Variants in ITGB3BP observed in about 807,000 individuals in gnomAD.
The protein encoded by ITGB3BP is integrin subunit beta 3 binding protein, also known as centromere protein R.
Under a neutral mutation model 29.1 loss-of-function variants are expected in ITGB3BP, and 27 were observed. The observed-to-expected ratio is 0.93, with a 90% CI of 0.68 to 1.28. The LOEUF (loss-of-function observed/expected upper bound fraction) is 1.28, where lower values mean the gene tolerates loss of function less well. Among genes scored for constraint, ITGB3BP ranks in the 50% most tolerant of loss-of-function variants. The pLI is 0.00. For synonymous variants in ITGB3BP, 61 were observed against 61.4 expected, an observed-to-expected ratio of 0.99 and a Z score of 0.03; for missense variants, 192 against 200.2, an observed-to-expected ratio of 0.96 and a Z score of 0.25.
chr1:63,499,593 A>G (rs1049708740), intron 2 of ITGB3BP, among the ~76,000 whole-genome samples: 1 of 152,222 alleles, frequency 6.6e-6, no homozygotes. Context: ...TACAGATGTA[A>G]AAATCCTGGC....
intron 4 of ITGB3BP, among the ~76,000 whole-genome samples, chr1:63,469,254 T>C (rs1032006786): frequency 9.8e-5 from 15 of 152,318 alleles, no homozygotes; most frequent in South Asian, 8.3e-4. Flanking sequence ...GTTTACTTAC[T>C]ATGCTTTGTA....
At chr1:63,517,297 T>C (rs992994780) in intron 1 of ITGB3BP, among the ~76,000 whole-genome samples, 6 of 151,864 alleles carry the variant, frequency 4.0e-5, no homozygotes, top group African/African-American at 1.2e-4. Flanking sequence ...CACTTAAAAA[T>C]ACTCTCACCA....
intron 1 of ITGB3BP, among the ~76,000 whole-genome samples, chr1:63,521,260 A>T (rs897808277): frequency 1.1e-4 from 9 of 78,680 alleles, no homozygotes; most frequent in African/African-American, 4.8e-4. Context: ...TAACCACATT[A>T]AAAAAAAAAA....
intron 4 of ITGB3BP, among the ~76,000 whole-genome samples, chr1:63,472,055 CCT>C (rs1557623187): frequency 2.0e-5 from 3 of 146,834 alleles, no homozygotes; most frequent in Admixed American, 6.8e-5. Flanking sequence ...AAGTGAATAA[CCT>C]TTTTTTTTTT....
chr1:63,475,997 C>A (rs1262015674), intron 4 of ITGB3BP, among the ~76,000 whole-genome samples: 818 of 103,932 alleles, frequency 7.9e-3, no homozygotes, highest in Middle Eastern at 0.016. Flanking sequence ...GACACTGTCT[C>A]AAAAAAAAAA....
At chr1:63,523,804 A>C (rs1365933478), upstream of ITGB3BP, among the ~76,000 whole-genome samples, 1 of 152,190 alleles carries the variant, frequency 6.6e-6, no homozygotes, top group Non-Finnish European at 1.5e-5. Context: ...ACAAAAATAG[A>C]GAGATGGTGC....
intron 1 of ITGB3BP, among the ~76,000 whole-genome samples, chr1:63,521,412 A>G (rs754947167): frequency 6.7e-6 from 1 of 148,510 alleles, no homozygotes; most frequent in Non-Finnish European, 1.5e-5. Context: ...TTTCACATAT[A>G]TATTAGCTAT....
intron 4 of ITGB3BP, among the ~76,000 whole-genome samples, chr1:63,459,195 T>C (rs753770382): frequency 9.2e-5 from 14 of 152,196 alleles, no homozygotes; most frequent in Admixed American, 2.0e-4. Flanking sequence ...CTTTCACAAA[T>C]TTCTGCTCAA....
chr1:63,503,401 C>G (rs1164271795), intron 2 of ITGB3BP, among the ~76,000 whole-genome samples: 2 of 151,948 alleles, frequency 1.3e-5, no homozygotes, highest in Admixed American at 6.6e-5. Context: ...ATTGTAGATT[C>G]TGGATATTAG....
In ITGB3BP at chr1:63,474,270, G is replaced by A. The variant is rs1331667752; in HGVS notation, c.254+4494C>T. ...GCCAGCCGCCCCGTCCGGGAGGGTG[G>A]TGGGGGGGTCAGCCCCCCGCCCGGC... On this transcript the variant is annotated intron_variant, in intron 4 of 8. Transcript: ENST00000271002. Among the ~76,000 whole-genome samples the A allele has an allele frequency of 8.1e-5, 11 of 135,104 alleles. No homozygotes were observed. In the East Asian group the frequency reaches 2.8e-3, roughly 34 times the overall value. The allele number at this position is 135,104 out of a possible 152,430, so 88.6% of individuals were successfully genotyped here.
intron 2 of ITGB3BP, among the ~76,000 whole-genome samples, chr1:63,506,086 G>A (rs11809398): frequency 0.021 from 3,254 of 152,166 alleles, 122 homozygotes; most frequent in African/African-American, 0.074. Flanking sequence ...TTTCTGTCTC[G>A]TTGATCTGTC....
At position 63,454,348 on chromosome 1, in the gene ITGB3BP, A is replaced by C; in HGVS notation, c.427+32T>G. 1 of 1,095,550 alleles carries C rather than the reference A, an allele frequency of 9.1e-7. No individual in the cohort carries two copies. Among genetic ancestry groups the C allele is most frequent in the Non-Finnish European group, 1.4e-6 (1 of 722,988 alleles). 67.9% of individuals were successfully genotyped at this position (1,095,550 alleles called of 1,614,324 possible). On this transcript the variant is annotated intron_variant, in intron 6 of 8. Transcript: ENST00000271002. This position sits in a 1 kb window ranked among gnomAD's most constrained non-coding sequence, Gnocchi z 4.1. ...ACAAATTAATAGGTTTATCTTTAAA[A>C]TTACTGTCATTGAAAACTCAAAAAT...
At chr1:63,447,500 T>C in intron 7 of ITGB3BP, 1 of 454,856 alleles carries the variant, frequency 2.2e-6, no homozygotes, top group South Asian at 1.6e-5. Flanking sequence ...CACTACAACA[T>C]GATACATTTA....
At chr1:63,461,184 G>T (rs1645012115) in intron 4 of ITGB3BP, among the ~76,000 whole-genome samples, 1 of 149,316 alleles carries the variant, frequency 6.7e-6, no homozygotes, top group Non-Finnish European at 1.5e-5. Flanking sequence ...AACCCGGGAG[G>T]CGGAGCTTGC....
chr1:63,465,869 T>C (rs544034973), intron 4 of ITGB3BP, among the ~76,000 whole-genome samples: 30 of 152,284 alleles, frequency 2.0e-4, no homozygotes, highest in African/African-American at 6.7e-4. Flanking sequence ...TTAACATTTA[T>C]TTTTTATTTA....
At chr1:63,449,839 T>C (rs564373959) in intron 7 of ITGB3BP, 1 of 154,392 alleles carries the variant, frequency 6.5e-6, no homozygotes, top group African/African-American at 2.4e-5. Flanking sequence ...ATATATTGTT[T>C]AATGTTAAGA....
intron 1 of ITGB3BP, among the ~76,000 whole-genome samples, chr1:63,511,075 A>G (rs1314847815): frequency 6.6e-6 from 1 of 152,164 alleles, no homozygotes; most frequent in Non-Finnish European, 1.5e-5. Flanking sequence ...TGTGGCTACT[A>G]TCTTGGTTTA....
intron 2 of ITGB3BP, among the ~76,000 whole-genome samples, chr1:63,503,824 G>A (rs1570292280): frequency 1.3e-5 from 2 of 152,268 alleles, no homozygotes; most frequent in East Asian, 3.9e-4. Flanking sequence ...GATGGTTGTA[G>A]ATATGCAGCA....
chr1:63,481,351 A>C (rs968952920), intron 3 of ITGB3BP, among the ~76,000 whole-genome samples: 2 of 152,210 alleles, frequency 1.3e-5, no homozygotes, highest in African/African-American at 4.8e-5. Context: ...AGTAATACTT[A>C]GATCAGTTAC....
Sources: gnomAD v4.1 joint callset for allele counts (sites outside exome capture counted in the v4.1 genomes callset) on GRCh38, gnomAD v4.1.1 for gene constraint, Gnocchi (gnomAD v3.1) non-coding constraint, MANE v1.5 for transcripts, NCBI Gene and HGNC (gene_info 2026-07-23, HGNC 2026-07-21) for gene names.